The following PIK3C3 variants were observed in gnomAD, a reference collection of about 807,000 sequenced individuals.
PIK3C3 encodes PI3-kinase type 3.
In PIK3C3, 95 loss-of-function variants were observed where a neutral mutation model predicts 126.1. That is an observed-to-expected ratio of 0.75 (90% CI 0.64 to 0.89). The LOEUF (loss-of-function observed/expected upper bound fraction) is 0.89, where lower values mean the gene tolerates loss of function less well. Ranked by LOEUF, PIK3C3 falls within the 40% of genes least tolerant of loss-of-function variation. The probability of loss-of-function intolerance (pLI) is 0.00; values close to 1 mark genes in which losing one functional copy is unlikely to be tolerated. For missense variants in PIK3C3, 829 were observed against 1,063.2 expected (o/e 0.78, Z 3.06); for synonymous variants, 374 against 360.0 (o/e 1.04, Z -0.44).
intron 23 of PIK3C3, 104 bp downstream of exon 23, chr18:42,064,934 T>C: frequency 7.7e-6 from 5 of 647,538 alleles, no homozygotes; most frequent in Non-Finnish European, 1.4e-5. Context: ...ATCCCCTTCC[T>C]TGTTCCTGCC....
intron 6 of PIK3C3, among the ~76,000 whole-genome samples, chr18:41,991,283 G>A (rs1432320144): frequency 6.6e-6 from 1 of 152,094 alleles, no homozygotes; most frequent in Non-Finnish European, 1.5e-5. Context: ...CAGCACTGTG[G>A]TTGGCTGCGT....
intron 13 of PIK3C3, 62 bp downstream of exon 13, chr18:42,020,767 C>A: frequency 2.2e-6 from 2 of 889,952 alleles, no homozygotes; most frequent in Non-Finnish European, 3.6e-6. Context: ...TTTTCTCATG[C>A]TATAAACACA....
At chr18:41,985,411 C>T (rs1316355384) in intron 4 of PIK3C3, among the ~76,000 whole-genome samples, 2 of 152,088 alleles carry the variant, frequency 1.3e-5, no homozygotes, top group Admixed American at 1.3e-4. Context: ...TTTTTGCTGT[C>T]AATCTCAAAG....
chr18:42,036,808 C>G (rs1984074327), intron 16 of PIK3C3, among the ~76,000 whole-genome samples: 1 of 152,060 alleles, frequency 6.6e-6, no homozygotes, highest in Non-Finnish European at 1.5e-5. Flanking sequence ...ACAACTAGTA[C>G]AGATTGAGCA....
chr18:42,055,134 T>C (rs1985005674), intron 21 of PIK3C3, among the ~76,000 whole-genome samples: 1 of 152,114 alleles, frequency 6.6e-6, no homozygotes, highest in South Asian at 2.1e-4. Context: ...GGATTCTTCA[T>C]GAATGGCCTG....
At chr18:41,955,424 G>A in intron 1 of PIK3C3, 65 bp downstream of exon 1, 2 of 1,378,436 alleles carry the variant, frequency 1.5e-6, no homozygotes, top group Non-Finnish European at 1.0e-6. Flanking sequence ...GCAGGGGCCT[G>A]TTGGGAGTGA....
At chr18:41,966,958 C>A (rs879568389) in intron 3 of PIK3C3, among the ~76,000 whole-genome samples, 1 of 152,178 alleles carries the variant, frequency 6.6e-6, no homozygotes, top group Non-Finnish European at 1.5e-5. Context: ...AAATCACCAA[C>A]TCCTGTTCCC....
intron 13 of PIK3C3, 131 bp from the exon 14 acceptor site, chr18:42,027,312 G>A: frequency 4.7e-6 from 2 of 426,818 alleles, no homozygotes; most frequent in Non-Finnish European, 8.4e-6. Flanking sequence ...ATGATAAAAT[G>A]TGTTTTATTA....
intron 4 of PIK3C3, among the ~76,000 whole-genome samples, chr18:41,978,752 T>A (rs1981053443): frequency 6.6e-6 from 1 of 151,962 alleles, no homozygotes; most frequent in Non-Finnish European, 1.5e-5. Context: ...AAACCAAGAT[T>A]GTTGAGAAGG....
intron 3 of PIK3C3, among the ~76,000 whole-genome samples, chr18:41,964,122 C>T (rs1418149357): frequency 1.3e-5 from 2 of 151,986 alleles, no homozygotes; most frequent in Non-Finnish European, 2.9e-5. Context: ...TTTGATTTAT[C>T]TAAAATTACT....
chr18:42,043,450 T>TTTTGTTTG (rs550184863), intron 19 of PIK3C3, among the ~76,000 whole-genome samples: 1 of 151,984 alleles, frequency 6.6e-6, no homozygotes, highest in East Asian at 1.9e-4. Flanking sequence ...TGCTCTGTGG[T>TTTTGTTTG]TTTGTTTGTT....
At chr18:42,031,342 C>G (rs1039592129) in intron 15 of PIK3C3, among the ~76,000 whole-genome samples, 1 of 152,072 alleles carries the variant, frequency 6.6e-6, no homozygotes, top group Non-Finnish European at 1.5e-5. Context: ...TTCTTTCCTT[C>G]GTTGATCTCT....
chr18:42,037,855 T>C, intron 17 of PIK3C3, 35 bp downstream of exon 17: 2 of 1,581,534 alleles, frequency 1.3e-6, no homozygotes, highest in Non-Finnish European at 1.7e-6. Context: ...GGAACATTTT[T>C]TTCGTTTTGG....
chr18:41,993,226 G>T, intron 6 of PIK3C3, 44 bp from the exon 7 acceptor site: 1 of 1,150,008 alleles, frequency 8.7e-7, no homozygotes, highest in African/African-American at 1.5e-5. Flanking sequence ...GCTTCCTATT[G>T]TATTAAATTT....
chr18:41,969,083 T>C (rs1046973548), intron 3 of PIK3C3, among the ~76,000 whole-genome samples: 5 of 151,994 alleles, frequency 3.3e-5, no homozygotes, highest in African/African-American at 1.2e-4. Context: ...CCTCTCAAAA[T>C]GCTGAGATTA....
At chr18:41,977,369 G>A (rs776695244) in intron 4 of PIK3C3, among the ~76,000 whole-genome samples, 3 of 152,156 alleles carry the variant, frequency 2.0e-5, no homozygotes, top group African/African-American at 7.2e-5. Flanking sequence ...CTATTAATAG[G>A]ATAGGAACCT....
At chr18:42,058,492 T>C (rs967452539) in intron 22 of PIK3C3, among the ~76,000 whole-genome samples, 1 of 152,226 alleles carries the variant, frequency 6.6e-6, no homozygotes, top group East Asian at 1.9e-4. Context: ...GAATATAGGA[T>C]ATTTTAGAGT....
chr18:41,978,384 C>T (rs1981036386), intron 4 of PIK3C3, among the ~76,000 whole-genome samples: 1 of 152,104 alleles, frequency 6.6e-6, no homozygotes, highest in Admixed American at 6.5e-5. Context: ...CGATAATGGA[C>T]CAAGTTAGGG....
chr18:41,955,528 G>A, intron 1 of PIK3C3, 169 bp downstream of exon 1: 1 of 576,148 alleles, frequency 1.7e-6, no homozygotes, highest in Non-Finnish European at 3.1e-6. Context: ...ATCGTGGAGA[G>A]GGGCTCTTTT....
Sources: gnomAD v4.1 joint callset for allele counts (sites outside exome capture counted in the v4.1 genomes callset) on GRCh38, gnomAD v4.1.1 for gene constraint, MANE v1.5 for transcripts, NCBI Gene and HGNC (gene_info 2026-07-23, HGNC 2026-07-21) for gene names.